The following ATG7 variants were observed in gnomAD, a reference collection of about 807,000 sequenced individuals.
ATG7 encodes ubiquitin-like modifier-activating enzyme ATG7.
In ATG7, 70 loss-of-function variants were observed where a neutral mutation model predicts 82.4. The ratio of observed to expected loss-of-function variants is 0.85; its 90% CI spans 0.70 to 1.04. The LOEUF (loss-of-function observed/expected upper bound fraction) is 1.04, where lower values mean the gene tolerates loss of function less well. Among genes scored for constraint, ATG7 ranks in the 50% least tolerant of loss-of-function variants. The pLI is 0.00. For missense variants in ATG7, 792 were observed against 864.3 expected (o/e 0.92, Z 1.05); for synonymous variants, 287 against 313.0 (o/e 0.92, Z 0.88).
At chr3:11,534,946 C>G (rs2092762147) in intron 20 of ATG7, among the ~76,000 whole-genome samples, 1 of 152,246 alleles carries the variant, frequency 6.6e-6, no homozygotes, top group Admixed American at 6.5e-5. Flanking sequence ...GACTTCCTGG[C>G]AGAAGCCTCC....
intron 13 of ATG7, among the ~76,000 whole-genome samples, chr3:11,346,828 G>C (rs1250997658): frequency 3.3e-5 from 5 of 152,200 alleles, no homozygotes. Context: ...GGTTACCAGT[G>C]GGCTTCAAAA....
intron 20 of ATG7, chr3:11,510,482 C>T (rs2091996974): frequency 2.0e-5 from 7 of 353,938 alleles, no homozygotes; most frequent in Non-Finnish European, 3.3e-5. Flanking sequence ...GATACAGATG[C>T]TGCCTTGTCT....
At chr3:11,558,727 C>T (rs747552303), downstream of ATG7, 12 of 1,614,052 alleles carry the variant, frequency 7.4e-6, no homozygotes, top group South Asian at 1.1e-5. Context: ...CCACGGAGCC[C>T]GTGATGGACA....
chr3:11,378,706 A>AAAAAAAAAAAC (rs1559501467), intron 18 of ATG7, among the ~76,000 whole-genome samples: 11 of 150,084 alleles, frequency 7.3e-5, no homozygotes, highest in African/African-American at 2.7e-4. Flanking sequence ...AAAAAAAAAA[A>AAAAAAAAAAAC]AAATTGCTGT....
intron 20 of ATG7, among the ~76,000 whole-genome samples, chr3:11,479,994 C>G (rs2088735265): frequency 6.6e-6 from 1 of 151,248 alleles, no homozygotes; most frequent in South Asian, 2.1e-4. Flanking sequence ...GTGGCACAAT[C>G]TCGGCTTACT....
intron 20 of ATG7, among the ~76,000 whole-genome samples, chr3:11,534,670 A>G (rs1182841452): frequency 1.3e-5 from 2 of 152,202 alleles, no homozygotes; most frequent in African/African-American, 4.8e-5. Context: ...TGGGCCCCAA[A>G]TGGCCCTAGT....
chr3:11,511,420 G>A (rs1230462041), intron 20 of ATG7, among the ~76,000 whole-genome samples: 6 of 152,212 alleles, frequency 3.9e-5, no homozygotes, highest in Non-Finnish European at 1.5e-5. Context: ...GTCGACTGGT[G>A]CATTCACAAA....
chr3:11,502,281 A>G (rs2091390761), intron 20 of ATG7, among the ~76,000 whole-genome samples: 1 of 150,928 alleles, frequency 6.6e-6, no homozygotes. Flanking sequence ...TGTGCAGGTT[A>G]GTTACATACG....
chr3:11,366,218 C>CAAAAAAAAAAAAAAAAAAAAAAAA (rs1296231136), intron 18 of ATG7, among the ~76,000 whole-genome samples: 1 of 60,648 alleles, frequency 1.6e-5, no homozygotes, highest in African/African-American at 5.4e-5. Flanking sequence ...GACTCCATCT[C>CAAAAAAAAAAAAAAAAAAAAAAAA]AAAAAAAAAA....
intron 17 of ATG7, chr3:11,363,241 C>CT (rs111618869): frequency 0.011 from 1,651 of 156,384 alleles, 11 homozygotes; most frequent in African/African-American, 0.024. Flanking sequence ...CTCCTTCAAT[C>CT]TTTTTTTTTT....
Position 11,375,573 on chromosome 3 carries a change from C to A in ATG7, c.1876-4399C>A, listed in dbSNP as rs567242779. ...CTAGTGAGATTTTTTTTTCCCCTTG[C>A]CCCCAAGATGGAGCCTTGCTCTGTC... On this transcript the variant is annotated intron_variant, in intron 18 of 20. Coordinates refer to ENST00000693202, the MANE Select transcript of ATG7 (RefSeq NM_001349232.2). 3.3e-5 allele frequency among the ~76,000 whole-genome samples: 5 copies of A among 152,208 alleles called. No individual in the cohort carries two copies. In the South Asian group the frequency reaches 1.0e-3, roughly 32 times the overall value.
chr3:11,335,436 G>T (rs1339737266), intron 11 of ATG7, among the ~76,000 whole-genome samples: 1 of 152,128 alleles, frequency 6.6e-6, no homozygotes, highest in African/African-American at 2.4e-5. Context: ...TTATGAATTT[G>T]TGTTGGGCCA....
At chr3:11,451,394 T>A (rs2085118549) in intron 20 of ATG7, among the ~76,000 whole-genome samples, 1 of 152,128 alleles carries the variant, frequency 6.6e-6, no homozygotes, top group African/African-American at 2.4e-5. Context: ...GTATTTTTAG[T>A]AGAGACAGGG....
chr3:11,558,481 T>C, downstream of ATG7: 1 of 1,480,570 alleles, frequency 6.8e-7, no homozygotes, highest in Non-Finnish European at 9.0e-7. Flanking sequence ...CATGATTTTT[T>C]TTTTTTTAAG....
intron 9 of ATG7, among the ~76,000 whole-genome samples, chr3:11,327,235 A>C (rs1393329378): frequency 6.6e-6 from 1 of 152,272 alleles, no homozygotes; most frequent in Non-Finnish European, 1.5e-5. Context: ...GCAAGACATC[A>C]AATATAACAT....
chr3:11,315,901 AT>A (rs1949343314), intron 9 of ATG7, among the ~76,000 whole-genome samples: 1 of 151,928 alleles, frequency 6.6e-6, no homozygotes, highest in Non-Finnish European at 1.5e-5. Context: ...AATTTTTTGT[AT>A]TTTTAGTAGA....
intron 20 of ATG7, chr3:11,446,565 CAG>C (rs2084577939): frequency 2.4e-6 from 1 of 425,030 alleles, no homozygotes; most frequent in African/African-American, 2.1e-5. Context: ...CATCCAATGA[CAG>C]TGTTAAAATG....
chr3:11,434,854 G>C (rs1366314219), intron 20 of ATG7, among the ~76,000 whole-genome samples: 1 of 152,152 alleles, frequency 6.6e-6, no homozygotes, highest in African/African-American at 2.4e-5. Context: ...GCTAATATTA[G>C]GAAACAGAAC....
intron 20 of ATG7, among the ~76,000 whole-genome samples, chr3:11,441,903 T>G (rs1256531869): frequency 1.3e-5 from 2 of 151,580 alleles, no homozygotes; most frequent in Non-Finnish European, 2.9e-5. Context: ...TGACCTCAGG[T>G]GATCCACCCA....
Sources: gnomAD v4.1 joint callset for allele counts (sites outside exome capture counted in the v4.1 genomes callset) on GRCh38, gnomAD v4.1.1 for gene constraint, MANE v1.5 for transcripts, NCBI Gene and HGNC (gene_info 2026-07-23, HGNC 2026-07-21) for gene names.